The following PAX5 variants were observed in gnomAD, a reference collection of about 807,000 sequenced individuals.
The protein encoded by PAX5 is paired box 5.
Under a neutral mutation model 43.7 loss-of-function variants are expected in PAX5, and 9 were observed. That is an observed-to-expected ratio of 0.21 (90% CI 0.12 to 0.36). PAX5 has a LOEUF of 0.36. Ranked by LOEUF, PAX5 falls within the 10% of genes least tolerant of loss-of-function variation. The pLI is 1.00. For synonymous variants in PAX5, 228 were observed against 214.3 expected, an observed-to-expected ratio of 1.06 and a Z score of -0.56; for missense variants, 383 against 532.7, an observed-to-expected ratio of 0.72 and a Z score of 2.77.
chr9:37,034,250 G>A lies in PAX5; in HGVS notation c.-219C>T, dbSNP rs1220623836. The A allele has an allele frequency of 9.0e-6, 5 of 552,876 alleles. No homozygotes were observed. In the South Asian group the frequency reaches 1.1e-4, roughly 13 times the overall value. 34.2% of individuals were successfully genotyped at this position (552,876 alleles called of 1,614,324 possible). A position where few individuals can be genotyped will look rare whatever the true frequency, so the allele number is the denominator to read the frequency against. On this transcript the variant is annotated 5_prime_UTR_variant, in exon 1 of 10. It adds an upstream start codon to the 5' untranslated region. Transcript: ENST00000358127. The stretch of plus-strand genomic sequence containing the variant: ...TGGAAAAAAAGCGTCCGAAGGCACC[G>A]TGAAATGATTAAGGAACTAAAGAGC...
chr9:36,930,053 G>A (rs1009750921), intron 6 of PAX5, among the ~76,000 whole-genome samples: 28 of 151,298 alleles, frequency 1.9e-4, no homozygotes, highest in African/African-American at 6.6e-4. Context: ...AGACCTCAAG[G>A]TCAAGACCAC....
At chr9:36,935,510 A>T (rs1352863739) in intron 6 of PAX5, among the ~76,000 whole-genome samples, 1 of 152,072 alleles carries the variant, frequency 6.6e-6, no homozygotes, top group African/African-American at 2.4e-5. Context: ...CCTCAGGCAC[A>T]CCCCCAGACA....
chr9:36,892,414 A>G (rs10973118), intron 7 of PAX5, among the ~76,000 whole-genome samples: 34,454 of 152,218 alleles, frequency 0.23, 4,125 homozygotes, highest in African/African-American at 0.28. Flanking sequence ...AGCGCCAAGC[A>G]TTGTTCTAAG....
rs78394897 is a variant in PAX5 at position 36,940,733 on chromosome 9, C to T, written c.781-17249G>A. Among the ~76,000 whole-genome samples, 1,115 of 152,210 alleles carry T rather than the reference C, an allele frequency of 7.3e-3. 18 individuals are homozygous for T. Among genetic ancestry groups the T allele is most frequent in the African/African-American group, 0.025 (1,056 of 41,522 alleles). On this transcript the variant is annotated intron_variant, in intron 6 of 9. Coordinates refer to ENST00000358127, the MANE Select transcript of PAX5 (RefSeq NM_016734.3). ...TCGAATTTGAGTCTGGAGAGGCACC[C>T]AGGCATCAGGGTCAGAAATCATCTC... is the stretch of plus-strand genomic sequence containing the variant.
chr9:36,840,900 A>T (rs1366638743), intron 9 of PAX5, among the ~76,000 whole-genome samples: 1 of 152,198 alleles, frequency 6.6e-6, no homozygotes, highest in Non-Finnish European at 1.5e-5. Context: ...CGTTTTAGTG[A>T]ATAACATTTT....
chr9:36,863,921 C>T (rs548609486), intron 8 of PAX5, among the ~76,000 whole-genome samples: 27 of 152,270 alleles, frequency 1.8e-4, no homozygotes, highest in South Asian at 4.1e-4. Flanking sequence ...CCAGCCTGGC[C>T]AACATGGTGA....
At chr9:37,032,984 A>G (rs1841135574) in intron 1 of PAX5, among the ~76,000 whole-genome samples, 1 of 152,178 alleles carries the variant, frequency 6.6e-6, no homozygotes, top group African/African-American at 2.4e-5. Context: ...ACAGGATAAA[A>G]CCTGAGGACA....
intron 7 of PAX5, among the ~76,000 whole-genome samples, chr9:36,895,755 G>T (rs1827809130): frequency 6.6e-6 from 1 of 152,174 alleles, no homozygotes; most frequent in South Asian, 2.1e-4. Flanking sequence ...CAGGTTGGGG[G>T]TTTCTAGGAT....
intron 7 of PAX5, among the ~76,000 whole-genome samples, chr9:36,897,399 G>C (rs1827964069): frequency 6.6e-6 from 1 of 152,220 alleles, no homozygotes; most frequent in African/African-American, 2.4e-5. Context: ...GGGACCTCTG[G>C]AGCTCCCATT....
chr9:36,978,231 C>T lies in PAX5; in HGVS notation c.605-11507G>A, dbSNP rs117064871. Among the ~76,000 whole-genome samples the T allele has an allele frequency of 6.4e-4, 98 of 152,350 alleles. 1 individual carries two copies. The highest frequency in any genetic ancestry group is 6.8e-3 in the Middle Eastern group (2 of 294). On this transcript the variant is annotated intron_variant, in intron 5 of 9. Transcript: ENST00000358127. ...TCCATACTGTCCAAGTCCATTACCTCATACAGTAGTCCCTAATTACTCCAC... is the reference window on the plus strand; with the variant it reads ...TCCATACTGTCCAAGTCCATTACCTTATACAGTAGTCCCTAATTACTCCAC...
chr9:37,000,507 C>G (rs1485841066), intron 5 of PAX5, among the ~76,000 whole-genome samples: 1 of 152,232 alleles, frequency 6.6e-6, no homozygotes, highest in Non-Finnish European at 1.5e-5. Flanking sequence ...AATCCCAACA[C>G]TTTGGGAGGC....
At chr9:36,970,370 G>A (rs1052944125) in intron 5 of PAX5, among the ~76,000 whole-genome samples, 1 of 152,080 alleles carries the variant, frequency 6.6e-6, no homozygotes, top group Non-Finnish European at 1.5e-5. Context: ...GAGGGAGAGA[G>A]GGAAGAGGCC....
rs1289882029 is a variant in PAX5 at position 36,923,362 on chromosome 9, A to C, written c.903T>G (p.Ile301Met). ...TGCCCCAGGTGCCCTCACCTGTCACAATGGGGTAGGACTGCGGGCCTGGCA... is the reference window on the plus strand; with the variant it reads ...TGCCCCAGGTGCCCTCACCTGTCACCATGGGGTAGGACTGCGGGCCTGGCA... Reference protein sequence around the residue: ...SSVPGPQSYPIVTGRDLASTT... With the variant: ...SSVPGPQSYPMVTGRDLASTT... Residue 301 changes from isoleucine (I) to methionine (M), a missense_variant, in exon 7 of 10, where the codon ATT becomes ATG. By Grantham distance (10) the Ile-to-Met change is conservative. Transcript: ENST00000358127. The C allele has an allele frequency of 5.6e-6, 9 of 1,610,924 alleles. No individual in the cohort carries two copies. The highest frequency in any genetic ancestry group is 5.9e-6 in the Non-Finnish European group (7 of 1,178,808).
At chr9:36,964,594 CAAAA>C (rs745521933) in intron 6 of PAX5, among the ~76,000 whole-genome samples, 6 of 49,630 alleles carry the variant, frequency 1.2e-4, no homozygotes, top group Admixed American at 4.5e-4. Flanking sequence ...CTCCAGCTCA[CAAAA>C]AAAAAAAAAA....
At chr9:36,864,119 CCCAATAAA>C (rs1824555921) in intron 8 of PAX5, 1 of 155,146 alleles carries the variant, frequency 6.4e-6, no homozygotes, top group South Asian at 2.0e-4. Flanking sequence ...CCCCCGCCCC[CCCAATAAA>C]AGTGCTTAGT....
chr9:36,975,580 T>C (rs1431849643), intron 5 of PAX5, among the ~76,000 whole-genome samples: 1 of 152,094 alleles, frequency 6.6e-6, no homozygotes, highest in Non-Finnish European at 1.5e-5. Context: ...AGAGACGGGG[T>C]TCCACCGTGT....
chr9:36,932,177 G>T (rs971075720), intron 6 of PAX5, among the ~76,000 whole-genome samples: 1 of 152,144 alleles, frequency 6.6e-6, no homozygotes, highest in Admixed American at 6.5e-5. Flanking sequence ...GGAGAATGAG[G>T]CAGGAGGATC....
At chr9:36,943,952 G>A (rs1186541394) in intron 6 of PAX5, among the ~76,000 whole-genome samples, 1 of 152,158 alleles carries the variant, frequency 6.6e-6, no homozygotes, top group Non-Finnish European at 1.5e-5. Flanking sequence ...TTGGGAGGCT[G>A]AGGCAGGAGG....
intron 7 of PAX5, among the ~76,000 whole-genome samples, chr9:36,918,682 A>G (rs1251905354): frequency 6.6e-6 from 1 of 152,110 alleles, no homozygotes; most frequent in African/African-American, 2.4e-5. Flanking sequence ...GAAGAAGATG[A>G]TCAAACCAGC....
Sources: gnomAD v4.1 joint callset for allele counts (sites outside exome capture counted in the v4.1 genomes callset) on GRCh38, gnomAD v4.1.1 for gene constraint, MANE v1.5 for transcripts, NCBI Gene and HGNC (gene_info 2026-07-23, HGNC 2026-07-21) for gene names.